The following TAF13 variants were observed in gnomAD, a reference collection of about 807,000 sequenced individuals.
The protein encoded by TAF13 is transcription initiation factor TFIID subunit 13.
TAF13 carries 9 observed loss-of-function variants against 18.7 expected under a neutral mutation model. The ratio of observed to expected loss-of-function variants is 0.48; its 90% CI spans 0.29 to 0.84. The LOEUF (loss-of-function observed/expected upper bound fraction) is 0.84. Ranked by LOEUF, TAF13 falls within the 40% of genes least tolerant of loss-of-function variation. TAF13 has a pLI of 0.08. For synonymous variants in TAF13, 49 were observed against 44.1 expected (o/e 1.11, Z -0.44); for missense variants, 105 against 146.5 (o/e 0.72, Z 1.46).
rs774622008 is a variant in TAF13 at position 109,064,698 on chromosome 1, T to C, written c.205-5A>G. 6.8e-6 allele frequency: 10 copies of C among 1,462,388 alleles called. No homozygotes were observed. In the Admixed American group the frequency reaches 1.8e-4, roughly 26 times the overall value. The allele number at this position is 1,462,388 out of a possible 1,614,324, so 90.6% of individuals were successfully genotyped here. ...AATTGACATTGCCTTGTGAGTCTATTACAAAGAAACATATTACATTTAACT... is the reference window on the plus strand; with the variant it reads ...AATTGACATTGCCTTGTGAGTCTATCACAAAGAAACATATTACATTTAACT... On this transcript the variant is annotated splice_polypyrimidine_tract_variant and splice_region_variant and intron_variant, in intron 3 of 3. Transcript: ENST00000338366.
intron 2 of TAF13, among the ~76,000 whole-genome samples, chr1:109,072,516 C>A (rs2102111324): frequency 6.6e-6 from 1 of 152,270 alleles, no homozygotes; most frequent in South Asian, 2.1e-4. Context: ...GCAATCTGGG[C>A]TCACTGCAAC....
At chr1:109,072,834 G>T (rs1248708617) in intron 2 of TAF13, among the ~76,000 whole-genome samples, 1 of 148,184 alleles carries the variant, frequency 6.7e-6, no homozygotes, top group Non-Finnish European at 1.5e-5. Context: ...AGGCTAGAGT[G>T]CAGTGGCGCA....
At chr1:109,069,156 T>C (rs1664006461) in intron 2 of TAF13, among the ~76,000 whole-genome samples, 1 of 152,158 alleles carries the variant, frequency 6.6e-6, no homozygotes, top group Non-Finnish European at 1.5e-5. Flanking sequence ...TGTCAAATGC[T>C]GGAAGTGTTC....
chr1:109,071,993 TA>T, intron 2 of TAF13, among the ~76,000 whole-genome samples: 1 of 2,770 alleles, frequency 3.6e-4, no homozygotes, highest in Non-Finnish European at 1.1e-3. Context: ...TATATATATA[TA>T]TATATATATA....
At chr1:109,074,752 C>T (rs1010648364) in intron 2 of TAF13, among the ~76,000 whole-genome samples, 4 of 151,172 alleles carry the variant, frequency 2.6e-5, no homozygotes, top group Non-Finnish European at 5.9e-5. Context: ...TGCACTCCAG[C>T]CTGGGCGACA....
rs1336307435 is a variant in TAF13 at position 109,064,692 on chromosome 1, GT to G, written c.205del (p.Thr69LeufsTer21). On this transcript the variant is annotated frameshift_variant and splice_region_variant, in exon 4 of 4. Coordinates refer to ENST00000338366, the MANE Select transcript of TAF13 (RefSeq NM_005645.4). LOFTEE classifies it high-confidence loss of function. ...DLVIEFITEM[T>X]HKAMSIGRQG... ...TCTTCCAATTGACATTGCCTTGTGAGTCTATTACAAAGAAACATATTACATT... is the reference window on the plus strand; with the variant it reads ...TCTTCCAATTGACATTGCCTTGTGAGCTATTACAAAGAAACATATTACATT... 3.4e-6 allele frequency: 5 copies of G among 1,472,052 alleles called. No individual in the cohort carries two copies. Among genetic ancestry groups the G allele is most frequent in the African/African-American group, 1.4e-5 (1 of 69,402 alleles). 91.2% of individuals were successfully genotyped at this position (1,472,052 alleles called of 1,614,324 possible).
chr1:109,073,943 C>A (rs1401663890), intron 2 of TAF13, among the ~76,000 whole-genome samples: 3 of 151,660 alleles, frequency 2.0e-5, no homozygotes, highest in Non-Finnish European at 1.5e-5. Flanking sequence ...CCGGCCGCCA[C>A]CCCGTCTGGG....
chr1:109,072,445 ATTTG>A (rs978081348), intron 2 of TAF13, among the ~76,000 whole-genome samples: 7 of 151,770 alleles, frequency 4.6e-5, no homozygotes, highest in South Asian at 2.1e-4. Context: ...TGTTTATTTT[ATTTG>A]TTTATTTATT....
intron 2 of TAF13, among the ~76,000 whole-genome samples, chr1:109,072,335 A>C (rs1276013290): frequency 1.3e-5 from 2 of 151,730 alleles, no homozygotes; most frequent in Non-Finnish European, 2.9e-5. Context: ...GATCATCAGT[A>C]TTAGTAGCAG....
At chr1:109,071,570 A>C (rs1664053089) in intron 2 of TAF13, among the ~76,000 whole-genome samples, 1 of 152,010 alleles carries the variant, frequency 6.6e-6, no homozygotes, top group South Asian at 2.1e-4. Flanking sequence ...TGATCATGCC[A>C]CTGTACTCCA....
At chr1:109,064,774 TGAGG>T in intron 3 of TAF13, 81 bp from the exon 4 acceptor site, 2 of 1,177,508 alleles carry the variant, frequency 1.7e-6, no homozygotes, top group Non-Finnish European at 2.2e-6. Flanking sequence ...TAATTGCAAG[TGAGG>T]TAGAAGATTT....
chr1:109,065,557 A>G (rs1363822008), intron 3 of TAF13, among the ~76,000 whole-genome samples: 2 of 151,070 alleles, frequency 1.3e-5, no homozygotes, highest in Non-Finnish European at 3.0e-5. Flanking sequence ...AAAAAAAAAA[A>G]CCTATGTTGG....
intron 3 of TAF13, among the ~76,000 whole-genome samples, chr1:109,065,572 T>A (rs1244878387): frequency 1.3e-5 from 2 of 151,496 alleles, no homozygotes; most frequent in African/African-American, 2.4e-5. Flanking sequence ...TGTTGGATAA[T>A]GGTATTATGG....
chr1:109,074,299 C>T (rs1286730935), intron 2 of TAF13, among the ~76,000 whole-genome samples: 1 of 152,298 alleles, frequency 6.6e-6, no homozygotes, highest in East Asian at 1.9e-4. Context: ...CTCTCTGAAA[C>T]ATGTGCTGTG....
chr1:109,065,936 A>AT, intron 3 of TAF13, among the ~76,000 whole-genome samples, 199 bp downstream of exon 3: 2 of 151,022 alleles, frequency 1.3e-5, no homozygotes, highest in South Asian at 4.2e-4. Context: ...AAAAAAAAAA[A>AT]CAAAAGGAAG....
At chr1:109,073,169 T>C (rs1465832643) in intron 2 of TAF13, among the ~76,000 whole-genome samples, 1 of 152,154 alleles carries the variant, frequency 6.6e-6, no homozygotes, top group Non-Finnish European at 1.5e-5. Flanking sequence ...TCTACTGCTG[T>C]AAAGGCAAGA....
chr1:109,071,110 A>G (rs1664041742), intron 2 of TAF13, among the ~76,000 whole-genome samples: 1 of 151,922 alleles, frequency 6.6e-6, no homozygotes, highest in Non-Finnish European at 1.5e-5. Context: ...CAGTCTGGCC[A>G]ACATGGTGAA....
intron 2 of TAF13, among the ~76,000 whole-genome samples, chr1:109,068,521 AT>A (rs530406902): frequency 1.1e-4 from 16 of 151,088 alleles, no homozygotes; most frequent in Admixed American, 9.9e-4. Context: ...ATTTATTTTT[AT>A]TTTTTCGTAG....
intron 2 of TAF13, among the ~76,000 whole-genome samples, chr1:109,070,506 C>A (rs549504175): frequency 6.6e-6 from 1 of 152,114 alleles, no homozygotes; most frequent in African/African-American, 2.4e-5. Flanking sequence ...CATGAGCCAC[C>A]GTGCCCGGCC....
Sources: allele counts gnomAD v4.1 joint callset (sites outside exome capture counted in the v4.1 genomes callset), GRCh38; gene constraint gnomAD v4.1.1; transcripts MANE v1.5; gene names NCBI Gene and HGNC (gene_info 2026-07-23, HGNC 2026-07-21).